The following CNTN5 variants were observed in gnomAD, a reference collection of about 807,000 sequenced individuals.
CNTN5 encodes contactin 5.
In CNTN5, 77 loss-of-function variants were observed where a neutral mutation model predicts 129.1. The observed-to-expected ratio is 0.60, with a 90% CI of 0.50 to 0.72. The LOEUF (loss-of-function observed/expected upper bound fraction) is 0.72. Ranked by LOEUF, CNTN5 falls within the 30% of genes least tolerant of loss-of-function variation. The pLI, the probability that CNTN5 is intolerant of heterozygous loss-of-function variation, is 0.00. For synonymous variants in CNTN5, 509 were observed against 465.6 expected, an observed-to-expected ratio of 1.09 and a Z score of -1.20; for missense variants, 1,478 against 1,328.8, an observed-to-expected ratio of 1.11 and a Z score of -1.75.
chr11:99,996,309 C>A (rs943603889), intron 8 of CNTN5, among the ~76,000 whole-genome samples: 1 of 152,130 alleles, frequency 6.6e-6, no homozygotes, highest in Admixed American at 6.6e-5. Context: ...GCTCCAGTTT[C>A]ACTATATACA....
chr11:99,740,239 G>A (rs1414070465), intron 3 of CNTN5, among the ~76,000 whole-genome samples: 2 of 152,012 alleles, frequency 1.3e-5, no homozygotes, highest in Non-Finnish European at 2.9e-5. Flanking sequence ...TCTCTAAAGG[G>A]GTGTAGGAAT....
chr11:99,845,059 C>G (rs1202081645), intron 5 of CNTN5, 28 bp from the exon 6 acceptor site: 1 of 1,611,704 alleles, frequency 6.2e-7, no homozygotes, highest in South Asian at 1.1e-5. Flanking sequence ...GAGGATTATA[C>G]ATATTTGTCT....
At chr11:99,630,463 G>A (rs143829167) in intron 3 of CNTN5, among the ~76,000 whole-genome samples, 3 of 152,040 alleles carry the variant, frequency 2.0e-5, no homozygotes, top group African/African-American at 7.2e-5. Context: ...ATTCATAGGT[G>A]ACTCAAATGA....
chr11:99,918,545 A>G (rs1949852988), intron 7 of CNTN5, among the ~76,000 whole-genome samples: 1 of 152,146 alleles, frequency 6.6e-6, no homozygotes. Context: ...ACGTTGTGAA[A>G]GAGAAAGCAA....
intron 3 of CNTN5, among the ~76,000 whole-genome samples, chr11:99,593,060 G>A (rs1259508742): frequency 6.6e-6 from 1 of 152,180 alleles, no homozygotes; most frequent in Admixed American, 6.5e-5. Context: ...GCAAGAATGT[G>A]TAAATAAATG....
intron 6 of CNTN5, among the ~76,000 whole-genome samples, chr11:99,892,449 T>C (rs1240660274): frequency 1.3e-5 from 2 of 152,224 alleles, no homozygotes; most frequent in Non-Finnish European, 2.9e-5. Flanking sequence ...GAAGGATTTT[T>C]ATGGTTTTAG....
At chr11:99,730,706 C>T (rs764084069) in intron 3 of CNTN5, among the ~76,000 whole-genome samples, 12 of 152,182 alleles carry the variant, frequency 7.9e-5, no homozygotes, top group African/African-American at 2.4e-4. Context: ...TACATATTTA[C>T]GGAAACGTGA....
At chr11:100,201,630 CCTTTA>C (rs138147399) in intron 15 of CNTN5, among the ~76,000 whole-genome samples, 8,811 of 151,968 alleles carry the variant, frequency 0.058, 309 homozygotes, top group Non-Finnish European at 0.079. Flanking sequence ...CTCCTGTTTT[CCTTTA>C]CTTGTCTTTC....
chr11:100,357,727 AAC>A lies in CNTN5; in HGVS notation c.*1509_*1510del, dbSNP rs1952557135. The A allele has an allele frequency of 6.6e-6, 1 of 151,642 alleles. No homozygotes were observed. Among genetic ancestry groups the A allele is most frequent in the South Asian group, 2.1e-4 (1 of 4,834 alleles). 9.4% of individuals were successfully genotyped at this position (151,642 alleles called of 1,614,324 possible). ...GCTTCATTAATAACAAGCAAAATGA[AAC>A]AATATGGAGCTCAAATTGCTAGCTC... On this transcript the variant is annotated 3_prime_UTR_variant, in exon 25 of 25. Transcript: ENST00000524871.
At chr11:99,910,648 T>G (rs933365746) in intron 6 of CNTN5, among the ~76,000 whole-genome samples, 1 of 152,108 alleles carries the variant, frequency 6.6e-6, no homozygotes, top group African/African-American at 2.4e-5. Context: ...ATGACTGCAG[T>G]GAATTTTTTA....
At chr11:100,009,714 A>C (rs935535796) in intron 9 of CNTN5, among the ~76,000 whole-genome samples, 6 of 152,156 alleles carry the variant, frequency 3.9e-5, no homozygotes, top group Non-Finnish European at 5.9e-5. Context: ...TAAGAATATA[A>C]TAATGCCCAT....
At chr11:99,144,310 G>A (rs1859673119) in intron 1 of CNTN5, among the ~76,000 whole-genome samples, 1 of 152,168 alleles carries the variant, frequency 6.6e-6, no homozygotes, top group Non-Finnish European at 1.5e-5. Flanking sequence ...AACATAAGAA[G>A]TGGGACTGTT....
chr11:99,960,172 A>G (rs1565723832), intron 8 of CNTN5, among the ~76,000 whole-genome samples: 3 of 152,194 alleles, frequency 2.0e-5, no homozygotes, highest in Non-Finnish European at 4.4e-5. Flanking sequence ...ATAAGTGTGC[A>G]TAAGTTTCTT....
chr11:99,666,953 T>C (rs1952816872), intron 3 of CNTN5, among the ~76,000 whole-genome samples: 1 of 152,054 alleles, frequency 6.6e-6, no homozygotes, highest in Non-Finnish European at 1.5e-5. Flanking sequence ...ATTGATATGT[T>C]TATATCTCTT....
chr11:99,044,247 T>C (rs1240316099), intron 1 of CNTN5, among the ~76,000 whole-genome samples: 3 of 152,174 alleles, frequency 2.0e-5, no homozygotes, highest in African/African-American at 7.2e-5. Context: ...TAAAAAATTA[T>C]AAACTAAGCT....
chr11:99,656,340 A>AT (rs925140051), intron 3 of CNTN5, among the ~76,000 whole-genome samples: 18 of 151,872 alleles, frequency 1.2e-4, no homozygotes, highest in African/African-American at 1.9e-4. Context: ...GACCTTTCAT[A>AT]TTTTTTTTCC....
chr11:99,388,691 C>G (rs1035035990), intron 2 of CNTN5, among the ~76,000 whole-genome samples: 3 of 152,078 alleles, frequency 2.0e-5, no homozygotes, highest in Non-Finnish European at 2.9e-5. Context: ...AGAAAGAACA[C>G]GAAACTTTTT....
At chr11:99,691,410 C>A (rs1954034905) in intron 3 of CNTN5, among the ~76,000 whole-genome samples, 1 of 152,066 alleles carries the variant, frequency 6.6e-6, no homozygotes, top group Non-Finnish European at 1.5e-5. Context: ...CCTCTTAACA[C>A]TGTGGTAGCT....
chr11:99,031,204 A>T (rs772133226), intron 1 of CNTN5, among the ~76,000 whole-genome samples: 52 of 151,860 alleles, frequency 3.4e-4, no homozygotes, highest in Non-Finnish European at 6.6e-4. Flanking sequence ...ACATTTTACA[A>T]TTTTTTTTCC....
Sources: allele counts gnomAD v4.1 joint callset (sites outside exome capture counted in the v4.1 genomes callset), GRCh38; gene constraint gnomAD v4.1.1; transcripts MANE v1.5; gene names NCBI Gene and HGNC (gene_info 2026-07-23, HGNC 2026-07-21).